The following INO80 variants were observed in gnomAD, a reference collection of about 807,000 sequenced individuals.
INO80 encodes the protein INO80 complex ATPase subunit.
Under a neutral mutation model 203.4 loss-of-function variants are expected in INO80, and 20 were observed. That is an observed-to-expected ratio of 0.10 (90% CI 0.07 to 0.14). The LOEUF (loss-of-function observed/expected upper bound fraction) is 0.14, where lower values mean the gene tolerates loss of function less well. INO80 is among the 10% of genes least tolerant of loss of function. The pLI is 1.00. For synonymous variants in INO80, 726 were observed against 685.2 expected (o/e 1.06, Z -0.93); for missense variants, 1,419 against 1,914.4 (o/e 0.74, Z 4.83).
chr15:41,057,499 C>A (rs2045009198), intron 16 of INO80, among the ~76,000 whole-genome samples: 1 of 149,406 alleles, frequency 6.7e-6, no homozygotes, highest in Admixed American at 6.7e-5. Context: ...GAAGTAAGAC[C>A]TTTCTGAGGA....
intron 24 of INO80, among the ~76,000 whole-genome samples, chr15:41,039,283 A>G (rs1256231161): frequency 6.6e-6 from 1 of 152,182 alleles, no homozygotes; most frequent in Non-Finnish European, 1.5e-5. Context: ...CCTGGCCTAG[A>G]TCCAATTTAA....
chr15:41,066,729 C>T (rs2045224030), intron 14 of INO80, among the ~76,000 whole-genome samples: 1 of 147,582 alleles, frequency 6.8e-6, no homozygotes, highest in Non-Finnish European at 1.5e-5. Context: ...ACTTGGGAGG[C>T]TGATGTGGGA....
At chr15:41,020,742 A>G (rs2044281176) in intron 26 of INO80, among the ~76,000 whole-genome samples, 158 bp downstream of exon 26, 3 of 152,110 alleles carry the variant, frequency 2.0e-5, no homozygotes. Context: ...CTCATCATAA[A>G]TTACTAATAT....
intron 14 of INO80, among the ~76,000 whole-genome samples, chr15:41,066,846 CAAAAAAA>C (rs58118605): frequency 2.8e-5 from 2 of 70,622 alleles, no homozygotes; most frequent in Non-Finnish European, 3.4e-5. Context: ...AAAAAAAAAG[CAAAAAAA>C]AAAAAAAAAA....
chr15:41,095,588 C>A lies in INO80; in HGVS notation c.381+13G>T, dbSNP rs750415762. Reference sequence around the variant, plus strand: ...GACTATCTGCACTGTAAACACCCTGCTTTATCTCTTACCTTTAGCCACTTT... The same window carrying A: ...GACTATCTGCACTGTAAACACCCTGATTTATCTCTTACCTTTAGCCACTTT... On this transcript the variant is annotated intron_variant, in intron 4 of 35. Transcript: ENST00000648947. 1.3e-6 allele frequency: 2 copies of A among 1,589,782 alleles called. No individual in the cohort carries two copies. Among genetic ancestry groups the A allele is most frequent in the African/African-American group, 1.3e-5 (1 of 74,516 alleles).
At position 41,111,527 on chromosome 15, in the gene INO80, C is replaced by T. The variant is rs999738625; in HGVS notation, c.-44+4446G>A. ...TTCACTAAGAAGTTTCAAAAACAGG[C>T]CACACAGTGGCTCACACCTGTAATC... On this transcript the variant is annotated intron_variant, in intron 1 of 35. Transcript: ENST00000648947. 5.9e-5 allele frequency among the ~76,000 whole-genome samples: 9 copies of T among 152,032 alleles called. No individual in the cohort carries two copies. The East Asian group carries it at 1.7e-3, about 30-fold the overall frequency.
chr15:41,015,568 G>C lies in INO80; in HGVS notation c.3402+520C>G, dbSNP rs146561623. ...TTCTATTTCACTGGTGTAGGGCAGGGGGCAGAAGTCCTTCACATACTCCCC... is the reference window on the plus strand; with the variant it reads ...TTCTATTTCACTGGTGTAGGGCAGGCGGCAGAAGTCCTTCACATACTCCCC... On this transcript the variant is annotated intron_variant, in intron 27 of 35. Coordinates refer to ENST00000648947, the MANE Select transcript of INO80 (RefSeq NM_017553.3). Among the ~76,000 whole-genome samples the C allele has an allele frequency of 1.6e-3, 241 of 151,944 alleles. 1 individual carries two copies. Among genetic ancestry groups the C allele is most frequent in the Middle Eastern group, 3.4e-3 (1 of 294 alleles).
At chr15:41,004,195 T>C (rs1201621725) in intron 28 of INO80, among the ~76,000 whole-genome samples, 1 of 152,138 alleles carries the variant, frequency 6.6e-6, no homozygotes, top group Non-Finnish European at 1.5e-5. Context: ...GGGTAACAAA[T>C]GGAAACGGGT....
chr15:41,007,418 G>A (rs2044062815), intron 27 of INO80, among the ~76,000 whole-genome samples: 1 of 151,872 alleles, frequency 6.6e-6, no homozygotes, highest in South Asian at 2.1e-4. Flanking sequence ...CCTGACCTCA[G>A]GTGATCTGCC....
chr15:41,086,759 G>T (rs751136857), intron 6 of INO80, among the ~76,000 whole-genome samples: 1 of 152,074 alleles, frequency 6.6e-6, no homozygotes. Context: ...GCTGCTGAGA[G>T]CTCAGTAAGA....
chr15:41,022,056 G>A (rs2044302255), intron 25 of INO80, among the ~76,000 whole-genome samples: 1 of 152,246 alleles, frequency 6.6e-6, no homozygotes, highest in Non-Finnish European at 1.5e-5. Context: ...ATTTCAGGTT[G>A]AATATCCCTA....
At chr15:41,069,785 T>C (rs2045281716) in intron 13 of INO80, 120 bp from the exon 14 acceptor site, 1 of 618,212 alleles carries the variant, frequency 1.6e-6, no homozygotes, top group Non-Finnish European at 2.8e-6. Flanking sequence ...AAACAGTGAG[T>C]AAATCCCAAA....
At chr15:41,016,265 C>CA in intron 26 of INO80, 50 bp from the exon 27 acceptor site, 8 of 1,573,176 alleles carry the variant, frequency 5.1e-6, no homozygotes, top group Non-Finnish European at 6.9e-6. Flanking sequence ...ATTGAAGCGA[C>CA]AAAATCACTC....
intron 29 of INO80, among the ~76,000 whole-genome samples, chr15:40,992,231 A>G (rs550859461): frequency 3.2e-4 from 48 of 152,370 alleles, no homozygotes; most frequent in African/African-American, 9.4e-4. Flanking sequence ...CTGCAAAGGG[A>G]GAAAAGCTCT....
chr15:41,022,309 G>C (rs767481795), intron 25 of INO80, among the ~76,000 whole-genome samples: 2 of 152,188 alleles, frequency 1.3e-5, no homozygotes, highest in African/African-American at 4.8e-5. Flanking sequence ...CTATCATTTC[G>C]TGGAAGTTAG....
chr15:40,996,117 A>G (rs914312175), intron 29 of INO80, among the ~76,000 whole-genome samples: 7 of 151,806 alleles, frequency 4.6e-5, no homozygotes, highest in African/African-American at 1.7e-4. Context: ...TTTCTCCACT[A>G]CCCTCATGAG....
chr15:41,065,182 A>G (rs537651611), intron 14 of INO80, among the ~76,000 whole-genome samples: 1 of 152,278 alleles, frequency 6.6e-6, no homozygotes, highest in South Asian at 2.1e-4. Flanking sequence ...TCACGCCTGT[A>G]ATCCTAGCAC....
chr15:41,045,900 CG>C (rs1396957963), intron 23 of INO80, among the ~76,000 whole-genome samples: 1 of 28,004 alleles, frequency 3.6e-5, no homozygotes. Context: ...GACTTCATCT[CG>C]GGAAAAAAAA....
chr15:41,058,551 C>CTGTGTG (rs371784387), intron 16 of INO80, 88 bp downstream of exon 16: 7 of 872,540 alleles, frequency 8.0e-6, no homozygotes, highest in African/African-American at 1.8e-5. Context: ...ATATACAAGT[C>CTGTGTG]TGTGTGTGTG....
Sources: allele counts gnomAD v4.1 joint callset (sites outside exome capture counted in the v4.1 genomes callset), GRCh38; gene constraint gnomAD v4.1.1; transcripts MANE v1.5; gene names NCBI Gene and HGNC (gene_info 2026-07-23, HGNC 2026-07-21).